DCAF8L2: variants seen among roughly 807,000 people sequenced by gnomAD.
The protein encoded by DCAF8L2 is DDB1- and CUL4-associated factor 8-like protein 2.
For missense variants in DCAF8L2, 430 were observed against 490.7 expected, an observed-to-expected ratio of 0.88 and a Z score of 1.17; for synonymous variants, 200 against 190.9, an observed-to-expected ratio of 1.05 and a Z score of -0.39.
intron 2 of DCAF8L2, among the ~76,000 whole-genome samples, chrX:27,673,728 T>C (rs1300589702): frequency 9.2e-6 from 1 of 108,752 alleles, no homozygotes; most frequent in Non-Finnish European, 1.9e-5. Flanking sequence ...CACACACATA[T>C]ACTACATGTA....
the DCAF8L2 span, among the ~76,000 whole-genome samples, chrX:27,489,611 C>T: frequency 8.9e-6 from 1 of 112,296 alleles, no homozygotes. Context: ...GAATAATGCT[C>T]CCATGACCTT....
chrX:27,710,606 A>C (rs1010572317), intron 3 of DCAF8L2, among the ~76,000 whole-genome samples: 1 of 112,286 alleles, frequency 8.9e-6, no homozygotes, highest in Non-Finnish European at 1.9e-5. Context: ...GTCTCTGACC[A>C]TGATAAAGTC....
the DCAF8L2 span, among the ~76,000 whole-genome samples, chrX:27,548,058 A>C: frequency 9.1e-6 from 1 of 110,092 alleles, no homozygotes; most frequent in Non-Finnish European, 1.9e-5. Context: ...ACCCAGTCTC[A>C]GGTATGTCTT....
intron 2 of DCAF8L2, among the ~76,000 whole-genome samples, chrX:27,634,315 T>C (rs1928410904): frequency 8.9e-6 from 1 of 111,962 alleles, no homozygotes; most frequent in Admixed American, 9.5e-5. Flanking sequence ...CCCTGAAATG[T>C]CTTTCACCTG....
rs1314034170 is a variant in DCAF8L2 at position 27,748,370 on chromosome X, G to A, written c.1475G>A (p.Gly492Glu). ...TTTGTAGTGAGCGGTAGTGATTGCG[G>A]GCACATCTTCTTCTGGGAGAAATCA... ...SEFVVSGSDC[G>E]HIFFWEKSSC... Residue 492 changes from glycine (G) to glutamate (E), a missense_variant, in exon 5 of 5, where the codon GGG (glycine) becomes GAG (glutamate). Transcript: ENST00000451261. 8.3e-7 allele frequency: 1 copy of A among 1,204,808 alleles called. No individual in the cohort carries two copies. The highest frequency in any genetic ancestry group is 1.8e-5 in the South Asian group (1 of 56,112).
chrX:27,570,321 A>G, the DCAF8L2 span, among the ~76,000 whole-genome samples: 1 of 111,541 alleles, frequency 9.0e-6, no homozygotes, highest in Non-Finnish European at 1.9e-5. Flanking sequence ...TAAAAATAGG[A>G]TGTGAACTAA....
At chrX:27,536,647 G>GA in the DCAF8L2 span, among the ~76,000 whole-genome samples, 45,688 of 104,974 alleles carry the variant, frequency 0.44, 8,932 homozygotes, top group South Asian at 0.67. Context: ...GGAAAAATAG[G>GA]AAAAAAAAAA....
intron 1 of DCAF8L2, among the ~76,000 whole-genome samples, chrX:27,608,667 C>CT (rs1195684033): frequency 2.7e-5 from 3 of 110,414 alleles, no homozygotes; most frequent in Non-Finnish European, 3.8e-5. Context: ...TTCTGCGTCT[C>CT]TATCTTCTTC....
intron 3 of DCAF8L2, among the ~76,000 whole-genome samples, chrX:27,704,061 G>GTATATATA (rs34734812): frequency 3.0e-5 from 3 of 99,152 alleles, no homozygotes; most frequent in African/African-American, 1.2e-4. Flanking sequence ...CATTGTGTGT[G>GTATATATA]TATATATATA....
intron 2 of DCAF8L2, among the ~76,000 whole-genome samples, chrX:27,664,358 G>A (rs1213943106): frequency 9.0e-6 from 1 of 111,634 alleles, no homozygotes; most frequent in Non-Finnish European, 1.9e-5. Flanking sequence ...TACAGACCAA[G>A]GCTTTAACGC....
chrX:27,737,342 A>G (rs1326383606), intron 4 of DCAF8L2, among the ~76,000 whole-genome samples: 1 of 111,421 alleles, frequency 9.0e-6, no homozygotes, highest in South Asian at 3.8e-4. Context: ...CCCATTTTCC[A>G]AAATATGTCA....
chrX:27,472,305 A>C, the DCAF8L2 span, among the ~76,000 whole-genome samples: 1 of 112,010 alleles, frequency 8.9e-6, no homozygotes, highest in Admixed American at 9.5e-5. Flanking sequence ...GTACACATAG[A>C]GGACAATTAG....
chrX:27,701,776 A>G (rs1466829402), intron 3 of DCAF8L2, among the ~76,000 whole-genome samples: 1 of 111,140 alleles, frequency 9.0e-6, no homozygotes. Context: ...TCAAATCGGT[A>G]ACATAAACTT....
intron 1 of DCAF8L2, among the ~76,000 whole-genome samples, chrX:27,606,220 C>A (rs973492562): frequency 1.7e-5 from 1 of 59,267 alleles, no homozygotes; most frequent in Non-Finnish European, 2.8e-5. Context: ...GTTTTTAATT[C>A]CTAGATACAA....
chrX:27,516,524 TCTCA>T, the DCAF8L2 span, among the ~76,000 whole-genome samples: 1 of 109,575 alleles, frequency 9.1e-6, no homozygotes, highest in Non-Finnish European at 1.9e-5. Context: ...TTATTCTCTC[TCTCA>T]CTCTTCCTCA....
At chrX:27,575,329 G>A in the DCAF8L2 span, among the ~76,000 whole-genome samples, 4 of 111,658 alleles carry the variant, frequency 3.6e-5, no homozygotes, top group Non-Finnish European at 7.5e-5. Flanking sequence ...GCCTGCTAGG[G>A]TCTCGGGTTT....
intron 4 of DCAF8L2, among the ~76,000 whole-genome samples, chrX:27,741,699 C>T (rs1206649386): frequency 3.6e-5 from 4 of 111,443 alleles, no homozygotes; most frequent in African/African-American, 9.8e-5. Flanking sequence ...TTCCTATATA[C>T]GGTATATGCC....
At chrX:27,528,476 G>GTA in the DCAF8L2 span, among the ~76,000 whole-genome samples, 30,111 of 82,858 alleles carry the variant, frequency 0.36, 4,414 homozygotes, top group Non-Finnish European at 0.44. Flanking sequence ...ATGTGTATGT[G>GTA]TATATATATA....
the DCAF8L2 span, among the ~76,000 whole-genome samples, chrX:27,581,985 T>C: frequency 8.9e-6 from 1 of 112,311 alleles, no homozygotes; most frequent in South Asian, 3.6e-4. Context: ...GTCACTGGTC[T>C]AATTTTAAAA....
Sources: gnomAD v4.1 joint callset for allele counts (sites outside exome capture counted in the v4.1 genomes callset) on GRCh38, gnomAD v4.1.1 for gene constraint, MANE v1.5 for transcripts, NCBI Gene and HGNC (gene_info 2026-07-23, HGNC 2026-07-21) for gene names.